Variants in H2BC18 observed in about 807,000 individuals in gnomAD.
H2BC18 encodes the protein histone H2B type 2-F.
In H2BC18, 8 loss-of-function variants were observed where a neutral mutation model predicts 6.3. The observed-to-expected ratio is 1.28, with a 90% CI of 0.75 to 2.31. The LOEUF (loss-of-function observed/expected upper bound fraction) is 2.31. Ranked by LOEUF, H2BC18 falls within the 30% of genes most tolerant of loss-of-function variation. The pLI, the probability that H2BC18 is intolerant of heterozygous loss-of-function variation, is 0.00. For missense variants in H2BC18, 106 were observed against 174.5 expected, an observed-to-expected ratio of 0.61 and a Z score of 2.21; for synonymous variants, 104 against 78.1, an observed-to-expected ratio of 1.33 and a Z score of -1.75.
At chr1:149,793,132 C>G (rs781983002) in intron 1 of H2BC18, 32 of 1,274,516 alleles carry the variant, frequency 2.5e-5, no homozygotes, top group Non-Finnish European at 3.0e-5. Context: ...TGCGCCCGGC[C>G]GAGCCTCCGC....
intron 1 of H2BC18, among the ~76,000 whole-genome samples, chr1:149,798,774 G>A (rs1348616998): frequency 1.3e-5 from 2 of 152,054 alleles, no homozygotes; most frequent in African/African-American, 2.4e-5. Flanking sequence ...ACCATGCCTG[G>A]CTAATATTTT....
downstream of H2BC18, chr1:149,811,099 G>A (rs1553754389): frequency 6.6e-6 from 1 of 152,218 alleles, no homozygotes; most frequent in Admixed American, 6.5e-5. Flanking sequence ...TGACTGAAGA[G>A]GATTAAATCC....
intron 1 of H2BC18, chr1:149,791,633 A>T: frequency 6.6e-7 from 1 of 1,516,316 alleles, no homozygotes; most frequent in African/African-American, 1.4e-5. Flanking sequence ...GTCTCATGGT[A>T]TGTAACTCTT....
chr1:149,786,223 C>T (rs1399860233), intron 1 of H2BC18: 2 of 152,080 alleles, frequency 1.3e-5, no homozygotes, highest in East Asian at 1.9e-4. Flanking sequence ...CCATTTTTCA[C>T]GTTTATTACC....
chr1:149,791,162 C>A lies in H2BC18; in HGVS notation c.378-7902G>T, dbSNP rs1411341956. 5.3e-5 allele frequency: 85 copies of A among 1,604,450 alleles called. 3 individuals carry two copies. The highest frequency in any genetic ancestry group is 7.1e-5 in the Non-Finnish European group (83 of 1,176,446). ...GCACATCAGGTCTCAGCCAACCTTC[C>A]CTTCCAAACATAACTCAGCTAGACC... On this transcript the variant is annotated intron_variant, in intron 1 of 1. Transcript: ENST00000545683.
Position 149,812,234 on chromosome 1 carries a change from G to A in H2BC18, c.90C>T (p.Arg30=), listed in dbSNP as rs1312455275. 1.2e-6 allele frequency: 2 copies of A among 1,614,144 alleles called. No individual in the cohort carries two copies. Among genetic ancestry groups the A allele is most frequent in the East Asian group, 2.2e-5 (1 of 44,894 alleles). ...TKVQKKDGKK[R]KRSRKESYSV... is the part of the protein sequence containing the mutation. ...AGTAGCTCTCCTTGCGGCTGCGCTTGCGCTTCTTGCCGTCCTTCTTCTGCA... is the reference window on the plus strand; with the variant it reads ...AGTAGCTCTCCTTGCGGCTGCGCTTACGCTTCTTGCCGTCCTTCTTCTGCA... Residue 30 remains arginine, a synonymous_variant, in exon 1 of 1, where the codon CGC becomes CGT. Coordinates refer to ENST00000369167, the MANE Select transcript of H2BC18 (RefSeq NM_001024599.5).
rs142568276 is a variant in H2BC18 at position 149,789,532 on chromosome 1, G to T, written c.378-6272C>A. Among the ~76,000 whole-genome samples the T allele has an allele frequency of 5.7e-3, 866 of 152,308 alleles. 10 individuals carry two copies. Among genetic ancestry groups the T allele is most frequent in the African/African-American group, 0.02 (817 of 41,552 alleles). ...CAGATGACACGGTCATTCAGGGAAG[G>T]ATGGACCTTGTAGAGCAGGGGTTCC... On this transcript the variant is annotated intron_variant, in intron 1 of 1. Coordinates refer to the H2BC18 transcript ENST00000545683.
chr1:149,801,440 C>T (rs587602111), intron 1 of H2BC18, among the ~76,000 whole-genome samples: 13 of 148,736 alleles, frequency 8.7e-5, no homozygotes, highest in East Asian at 3.9e-4. Context: ...GACTTCCCTA[C>T]GATCACCAAC....
downstream of H2BC18, chr1:149,811,701 C>T: frequency 3.2e-6 from 2 of 630,704 alleles, no homozygotes; most frequent in Non-Finnish European, 5.5e-6. Flanking sequence ...TCTCGTAGCA[C>T]AGATAACAAG....
intron 1 of H2BC18, chr1:149,790,019 C>T: frequency 6.2e-7 from 1 of 1,611,714 alleles, no homozygotes; most frequent in Non-Finnish European, 8.5e-7. Flanking sequence ...GGATGCTAAA[C>T]AGGCAACCTT....
chr1:149,789,718 TG>T (rs1205370247), intron 1 of H2BC18, among the ~76,000 whole-genome samples: 3 of 152,162 alleles, frequency 2.0e-5, no homozygotes, highest in Admixed American at 6.5e-5. Context: ...TGTGCGTGCC[TG>T]ATGATCTGAG....
downstream of H2BC18, chr1:149,810,884 A>G (rs1399524853): frequency 1.3e-5 from 2 of 152,270 alleles, no homozygotes; most frequent in Non-Finnish European, 2.9e-5. Context: ...GTCTAGCTGA[A>G]TCAGGAAACC....
downstream of H2BC18, among the ~76,000 whole-genome samples, chr1:149,808,255 A>G (rs2091941258): frequency 6.6e-6 from 1 of 152,248 alleles, no homozygotes; most frequent in African/African-American, 2.4e-5. Flanking sequence ...CTCGTCACAC[A>G]GAAAACTCCA....
chr1:149,808,048 T>G (rs2091939402), downstream of H2BC18, among the ~76,000 whole-genome samples: 1 of 151,990 alleles, frequency 6.6e-6, no homozygotes, highest in Non-Finnish European at 1.5e-5. Flanking sequence ...ACAAATTTTC[T>G]TAAGCAATAT....
At chr1:149,799,482 C>A (rs1446822349) in intron 1 of H2BC18, among the ~76,000 whole-genome samples, 6 of 149,626 alleles carry the variant, frequency 4.0e-5, no homozygotes, top group African/African-American at 1.3e-4. Flanking sequence ...TGTGAAATAT[C>A]CTCCTTTTAT....
At chr1:149,800,879 A>G (rs1221614257) in intron 1 of H2BC18, among the ~76,000 whole-genome samples, 1 of 152,092 alleles carries the variant, frequency 6.6e-6, no homozygotes, top group Non-Finnish European at 1.5e-5. Context: ...TGAGCCCAGG[A>G]GTTTGAGACC....
At chr1:149,785,411 T>TTG (rs2091518358) in intron 1 of H2BC18, among the ~76,000 whole-genome samples, 1 of 127,246 alleles carries the variant, frequency 7.9e-6, no homozygotes, top group Non-Finnish European at 1.7e-5. Context: ...CTGTTTCGTT[T>TTG]TTTTTTTTTT....
At chr1:149,784,362 G>T (rs1272164206) in intron 1 of H2BC18, 13 of 1,607,468 alleles carry the variant, frequency 8.1e-6, no homozygotes, top group South Asian at 6.6e-5. Flanking sequence ...CTGGGTGCAG[G>T]TCTCAGCACT....
intron 1 of H2BC18, chr1:149,793,300 C>G: frequency 8.5e-7 from 1 of 1,179,202 alleles, no homozygotes; most frequent in Non-Finnish European, 1.1e-6. Flanking sequence ...CCCCGTCCAG[C>G]TCGGAGGACC....
Sources: gnomAD v4.1 joint callset for allele counts (sites outside exome capture counted in the v4.1 genomes callset) on GRCh38, gnomAD v4.1.1 for gene constraint, MANE v1.5 for transcripts, NCBI Gene and HGNC (gene_info 2026-07-23, HGNC 2026-07-21) for gene names.